The following LIN7A variants were observed in gnomAD, a reference collection of about 807,000 sequenced individuals.
LIN7A encodes protein lin-7 homolog A.
LIN7A carries 25 observed loss-of-function variants against 29.8 expected under a neutral mutation model. The observed-to-expected ratio is 0.84, with a 90% confidence interval of 0.61 to 1.17. LIN7A has a LOEUF of 1.17. Among genes scored for constraint, LIN7A ranks in the 50% most tolerant of loss-of-function variants. The pLI is 0.00. For synonymous variants in LIN7A, 118 were observed against 107.5 expected (o/e 1.10, Z -0.60); for missense variants, 239 against 287.0 (o/e 0.83, Z 1.21).
intron 2 of LIN7A, among the ~76,000 whole-genome samples, chr12:80,857,081 T>C (rs1217074313): frequency 4.6e-5 from 7 of 152,170 alleles, no homozygotes; most frequent in African/African-American, 1.7e-4. Flanking sequence ...CTCTCAAAGG[T>C]TGGCTCTGTG....
chr12:80,880,737 T>G (rs952311282), intron 2 of LIN7A, among the ~76,000 whole-genome samples: 1 of 148,124 alleles, frequency 6.8e-6, no homozygotes, highest in Admixed American at 6.9e-5. Context: ...TAAACTCTGT[T>G]GGGAGGAGGC....
chr12:80,902,937 C>T (rs1876300556), intron 1 of LIN7A, among the ~76,000 whole-genome samples: 1 of 151,582 alleles, frequency 6.6e-6, no homozygotes, highest in Non-Finnish European at 1.5e-5. Flanking sequence ...TTATCTTGTT[C>T]CAGTTCTCAA....
chr12:80,836,520 G>T (rs1433010500), intron 4 of LIN7A, among the ~76,000 whole-genome samples: 4 of 152,228 alleles, frequency 2.6e-5, no homozygotes, highest in East Asian at 3.9e-4. Flanking sequence ...AGCCGGCATG[G>T]TGGCATGTGC....
chr12:80,868,991 C>G (rs147144846), intron 2 of LIN7A, among the ~76,000 whole-genome samples: 1 of 151,890 alleles, frequency 6.6e-6, no homozygotes, highest in Non-Finnish European at 1.5e-5. Flanking sequence ...AAGATGGATA[C>G]GAAGGCAATA....
At chr12:80,848,391 G>T (rs1251508281) in intron 2 of LIN7A, 69 bp from the exon 3 acceptor site, 1 of 1,175,886 alleles carries the variant, frequency 8.5e-7, no homozygotes, top group Non-Finnish European at 1.2e-6. Context: ...ATTGCAGAAA[G>T]AAAATTATAT....
At chr12:80,912,624 C>T (rs1028950603) in intron 1 of LIN7A, among the ~76,000 whole-genome samples, 2 of 149,814 alleles carry the variant, frequency 1.3e-5, no homozygotes, top group African/African-American at 4.9e-5. Context: ...CTGAGGCAGG[C>T]GAATCCCTTG....
intron 5 of LIN7A, among the ~76,000 whole-genome samples, chr12:80,807,070 T>TTTTTG (rs1871039861): frequency 9.0e-6 from 1 of 111,094 alleles, no homozygotes; most frequent in African/African-American, 4.3e-5. Flanking sequence ...GGAGTTTTTT[T>TTTTTG]TTTTTTTTTT....
chr12:80,800,810 A>G (rs1870686441), intron 5 of LIN7A, among the ~76,000 whole-genome samples: 1 of 152,138 alleles, frequency 6.6e-6, no homozygotes, highest in African/African-American at 2.4e-5. Context: ...AAAAAAACCA[A>G]CTACAGACCA....
chr12:80,821,548 C>T (rs2121520206), intron 4 of LIN7A, among the ~76,000 whole-genome samples: 1 of 152,246 alleles, frequency 6.6e-6, no homozygotes, highest in South Asian at 2.1e-4. Flanking sequence ...ATTGGGGTGG[C>T]TGTGGTAATT....
chr12:80,820,056 G>A (rs1290951723), intron 4 of LIN7A, among the ~76,000 whole-genome samples: 6 of 152,154 alleles, frequency 3.9e-5, no homozygotes, highest in Admixed American at 3.3e-4. Context: ...AAGTAATTTA[G>A]TGGCATCATT....
intron 1 of LIN7A, among the ~76,000 whole-genome samples, chr12:80,929,420 T>C (rs1280658739): frequency 1.3e-5 from 2 of 152,236 alleles, no homozygotes; most frequent in African/African-American, 4.8e-5. Flanking sequence ...CCTGTAAAGT[T>C]TGTTAAAATA....
chr12:80,878,541 A>G (rs949930046), intron 2 of LIN7A, among the ~76,000 whole-genome samples: 1 of 152,182 alleles, frequency 6.6e-6, no homozygotes, highest in African/African-American at 2.4e-5. Context: ...CACAGACCCA[A>G]AGAGTGAGCA....
chr12:80,809,911 A>T (rs1328195873), intron 5 of LIN7A, among the ~76,000 whole-genome samples: 5 of 152,168 alleles, frequency 3.3e-5, no homozygotes, highest in African/African-American at 1.2e-4. Context: ...AATTTTATAT[A>T]TTTATGGATT....
At chr12:80,843,692 C>T (rs1011946336) in intron 4 of LIN7A, among the ~76,000 whole-genome samples, 1 of 152,098 alleles carries the variant, frequency 6.6e-6, no homozygotes, top group Non-Finnish European at 1.5e-5. Flanking sequence ...TTTTATTCTT[C>T]ATCAGAGCCC....
chr12:80,919,636 GGAAA>G (rs2120863196), intron 1 of LIN7A, among the ~76,000 whole-genome samples: 1 of 152,324 alleles, frequency 6.6e-6, no homozygotes, highest in South Asian at 2.1e-4. Flanking sequence ...GAATGGGGTG[GGAAA>G]GAGAGGGCAG....
intron 2 of LIN7A, among the ~76,000 whole-genome samples, chr12:80,859,390 TAGG>T (rs1044187571): frequency 2.0e-5 from 3 of 152,184 alleles, no homozygotes; most frequent in South Asian, 2.1e-4. Context: ...TTGTGATCTC[TAGG>T]AGGAGATGTT....
chr12:80,843,554 A>G (rs1370400894), intron 4 of LIN7A, among the ~76,000 whole-genome samples: 1 of 152,156 alleles, frequency 6.6e-6, no homozygotes, highest in Admixed American at 6.5e-5. Flanking sequence ...CCTAACTAGC[A>G]AAAGCAGTAT....
chr12:80,860,200 T>TTACCAATTGGTATATTACTC (rs1191548731), intron 2 of LIN7A, among the ~76,000 whole-genome samples: 25 of 152,236 alleles, frequency 1.6e-4, no homozygotes, highest in African/African-American at 6.0e-4. Context: ...TATTGGTATA[T>TTACCAATTGGTATATTACTC]TACCCCTTTG....
intron 1 of LIN7A, among the ~76,000 whole-genome samples, chr12:80,896,658 A>T (rs562951610): frequency 1.1e-4 from 16 of 152,326 alleles, no homozygotes; most frequent in African/African-American, 3.6e-4. Flanking sequence ...ATGTGTTCAA[A>T]TTTTAAAAAT....
Sources: gnomAD v4.1 joint callset for allele counts (sites outside exome capture counted in the v4.1 genomes callset) on GRCh38, gnomAD v4.1.1 for gene constraint, MANE v1.5 for transcripts, NCBI Gene and HGNC (gene_info 2026-07-23, HGNC 2026-07-21) for gene names.